Variants in ABHD14A observed in about 807,000 individuals in gnomAD.
ABHD14A encodes the protein protein ABHD14A.
ABHD14A carries 19 observed loss-of-function variants against 27.0 expected under a neutral mutation model. That is an observed-to-expected ratio of 0.70 (90% CI 0.49 to 1.03). The LOEUF (loss-of-function observed/expected upper bound fraction) is 1.03, where lower values mean the gene tolerates loss of function less well. ABHD14A is among the 50% of genes least tolerant of loss of function. The pLI is 0.00. For synonymous variants in ABHD14A, 148 were observed against 158.8 expected (o/e 0.93, Z 0.51); for missense variants, 311 against 344.6 (o/e 0.90, Z 0.77).
intron 1 of ABHD14A, among the ~76,000 whole-genome samples, 177 bp from the exon 2 acceptor site, chr3:51,977,694 G>T (rs554036110): frequency 2.6e-5 from 4 of 152,354 alleles, no homozygotes; most frequent in South Asian, 4.1e-4. Context: ...CTGAGCGCTT[G>T]CCCTGGCATG....
Position 51,977,957 on chromosome 3 carries a change from G to T in ABHD14A, c.156G>T (p.Leu52=), listed in dbSNP as rs1228687230. ...TCATGCTCCTACTGTATGTGGGGCT[G>T]CCAGGCCCCCCTGAGCAGACTTCCT... The part of the protein sequence containing the change: ...LLLMLLLYVG[L]PGPPEQTSCL... The change falls in exon 2 of 5, where the codon CTG becomes CTT. Residue 52 remains leucine (L), a synonymous_variant. Coordinates refer to ENST00000273596, the MANE Select transcript of ABHD14A (RefSeq NM_015407.5). 1 of 1,614,026 alleles carries T rather than the reference G, an allele frequency of 6.2e-7. No homozygotes were observed. The highest frequency in any genetic ancestry group is 1.3e-5 in the African/African-American group (1 of 74,956).
At chr3:51,977,281 C>G (rs900998528) in intron 1 of ABHD14A, among the ~76,000 whole-genome samples, 2 of 152,168 alleles carry the variant, frequency 1.3e-5, no homozygotes, top group African/African-American at 2.4e-5. Flanking sequence ...AGTCTTTCTC[C>G]TTTGATAGCC....
chr3:51,977,942 A>C lies in ABHD14A; in HGVS notation c.141A>C (p.Leu47=). 2.5e-6 allele frequency: 4 copies of C among 1,613,860 alleles called. No homozygotes were observed. The highest frequency in any genetic ancestry group is 3.4e-6 in the Non-Finnish European group (4 of 1,179,956). ...LLGLSLLLML[L]LYVGLPGPPE... is the part of the protein sequence containing the mutation. ...GCCTGAGTCTGCTGCTCATGCTCCT[A>C]CTGTATGTGGGGCTGCCAGGCCCCC... Residue 47 remains leucine (L), a synonymous_variant, in exon 2 of 5, where the codon CTA becomes CTC. Coordinates refer to ENST00000273596, the MANE Select transcript of ABHD14A (RefSeq NM_015407.5).
intron 1 of ABHD14A, among the ~76,000 whole-genome samples, chr3:51,975,810 A>G (rs930633464): frequency 2.6e-5 from 4 of 152,156 alleles, no homozygotes; most frequent in South Asian, 2.1e-4. Context: ...TGTGTGTGCA[A>G]AGAGGCTGCA....
Position 51,981,123 on chromosome 3 carries a change from G to GCT in ABHD14A, c.*105_*106insCT. 1 of 1,276,896 alleles carries GCT rather than the reference G, an allele frequency of 7.8e-7. No individual in the cohort carries two copies. Among genetic ancestry groups the GCT allele is most frequent in the African/African-American group, 2.0e-5 (1 of 50,752 alleles). 79.1% of individuals were successfully genotyped at this position (1,276,896 alleles called of 1,614,324 possible). A position where few individuals can be genotyped will look rare whatever the true frequency, so the allele number is the denominator to read the frequency against. Reference sequence around the variant, plus strand: ...CTCTGGGATTGGAGGCCAGAGGCCAGGGTCAGACCCAGCCAGGACTCCTCA... The same window carrying GCT: ...CTCTGGGATTGGAGGCCAGAGGCCAGCTGGTCAGACCCAGCCAGGACTCCTCA... On this transcript the variant is annotated 3_prime_UTR_variant, in exon 5 of 5. Coordinates refer to ENST00000273596, the MANE Select transcript of ABHD14A (RefSeq NM_015407.5).
chr3:51,980,816 C>T lies in ABHD14A; in HGVS notation c.634-20C>T. ...AACTCATCAGGCCCCAAGATCACAG[C>T]CCCCTGCCTTGCCCTGCAGACTCCA... is the stretch of plus-strand genomic sequence containing the variant. On this transcript the variant is annotated intron_variant, in intron 4 of 4. Transcript: ENST00000273596. 1.9e-6 allele frequency: 3 copies of T among 1,600,718 alleles called. No homozygotes were observed. Among genetic ancestry groups the T allele is most frequent in the Non-Finnish European group, 2.6e-6 (3 of 1,169,426 alleles).
At position 51,975,193 on chromosome 3, in the gene ABHD14A, C is replaced by T; in HGVS notation, c.58C>T (p.Pro20Ser). 2 of 1,271,004 alleles carry T rather than the reference C, an allele frequency of 1.6e-6. No individual in the cohort carries two copies. Among genetic ancestry groups the T allele is most frequent in the Non-Finnish European group, 2.0e-6 (2 of 1,007,824 alleles). 78.7% of individuals were successfully genotyped at this position (1,271,004 alleles called of 1,614,324 possible). Residue 20 changes from proline (P) to serine (S), a missense_variant, in exon 1 of 5, where the codon CCG becomes TCG. Physicochemically the swap from Pro to Ser is moderately conservative, Grantham distance 74. Coordinates refer to ENST00000273596, the MANE Select transcript of ABHD14A (RefSeq NM_015407.5). ...FRLGGARPLI[P>S]LGPTVVQTSM... The stretch of plus-strand genomic sequence containing the variant: ...CCTGGGCGGGGCCCGCCCGCTCATC[C>T]CGTTGGGCCCGGTGAGTCTCCCGGG...
intron 1 of ABHD14A, 30 bp downstream of exon 1, chr3:51,975,234 GGT>G (rs1253632730): frequency 4.8e-6 from 6 of 1,250,832 alleles, no homozygotes; most frequent in Non-Finnish European, 6.0e-6. Flanking sequence ...GAGGCCGGCC[GGT>G]GGCCCAGGGG....
Position 51,975,144 on chromosome 3 carries a change from G to T in ABHD14A, c.9G>T (p.Gly3=). Residue 3 remains glycine (G), a synonymous_variant, in exon 1 of 5, where the codon GGG becomes GGT. Transcript: ENST00000273596. MV[G]ALCGCWFRLG... ...GAGCTGCGGAGGCAGCCATGGTCGG[G>T]GCGCTGTGCGGCTGCTGGTTCCGCC... The T allele has an allele frequency of 7.8e-7, 1 of 1,290,294 alleles. No individual in the cohort carries two copies. The highest frequency in any genetic ancestry group is 2.3e-5 in the South Asian group (1 of 42,744). The allele number at this position is 1,290,294 out of a possible 1,614,324, so 79.9% of individuals were successfully genotyped here.
chr3:51,980,256 C>A (rs1358606316), intron 3 of ABHD14A, 137 bp from the exon 4 acceptor site: 2 of 785,728 alleles, frequency 2.5e-6, no homozygotes, highest in East Asian at 2.6e-5. Flanking sequence ...ATTACATTAC[C>A]AGAAAATAGC....
intron 3 of ABHD14A, chr3:51,979,022 A>C (rs1177789650): frequency 4.5e-6 from 1 of 224,158 alleles, no homozygotes; most frequent in South Asian, 4.1e-5. Context: ...AATACTAAAA[A>C]ATAGCAAAGC....
intron 4 of ABHD14A, 47 bp downstream of exon 4, chr3:51,980,675 TGGGG>T (rs753007139): frequency 3.1e-6 from 5 of 1,590,618 alleles, no homozygotes; most frequent in Non-Finnish European, 4.3e-6. Context: ...GTCTGTGGCT[TGGGG>T]GGGTTCAGGA....
exon 5 of ABHD14A, chr3:51,981,195 A>AAGTGAG: frequency 1.5e-6 from 1 of 684,342 alleles, no homozygotes; most frequent in East Asian, 2.8e-5. Context: ...CCTGCCTGGG[A>AAGTGAG]AGTGACAGGT....
chr3:51,978,171 C>G, intron 2 of ABHD14A, 88 bp from the exon 3 acceptor site: 1 of 1,533,018 alleles, frequency 6.5e-7, no homozygotes, highest in African/African-American at 1.4e-5. Context: ...GTGCTCAGGT[C>G]CTGGGAGGGC....
At chr3:51,978,902 C>T in intron 3 of ABHD14A, 1 of 317,732 alleles carries the variant, frequency 3.1e-6, no homozygotes, top group Non-Finnish European at 6.8e-6. Context: ...AAGCAGTGTA[C>T]TTTCTATGGC....
At chr3:51,975,968 C>G (rs1002195796) in intron 1 of ABHD14A, among the ~76,000 whole-genome samples, 9 of 152,274 alleles carry the variant, frequency 5.9e-5, no homozygotes, top group African/African-American at 2.2e-4. Context: ...CAAACCCCCG[C>G]AGGCGGCCAG....
In ABHD14A at chr3:51,981,177, A is replaced by G. The variant is rs1274837157; in HGVS notation, c.*159A>G. 1.4e-5 allele frequency: 11 copies of G among 759,378 alleles called. No homozygotes were observed. The highest frequency in any genetic ancestry group is 2.8e-4 in the Middle Eastern group (1 of 3,610). 47.0% of individuals were successfully genotyped at this position (759,378 alleles called of 1,614,324 possible). On this transcript the variant is annotated 3_prime_UTR_variant, in exon 5 of 5. Transcript: ENST00000273596. ...CATCTCACAGACACAATAAAAAAGC[A>G]TATTTGTCCTGCCTGGGAAGTGACA... is the stretch of plus-strand genomic sequence containing the variant.
Position 51,980,881 on chromosome 3 carries a change from C to G in ABHD14A, c.679C>G (p.Arg227Gly), listed in dbSNP as rs61729088. 4,756 of 1,614,116 alleles carry G rather than the reference C, an allele frequency of 2.9e-3. 9 individuals carry two copies. The highest frequency in any genetic ancestry group is 4.5e-3 in the Admixed American group (270 of 60,030). ...TGGAGAGCTGGACCACATCCTGGCT[C>G]GAGAGTCACTGCGGCAGCTCCGCCA... ...LYGELDHILA[R>G]ESLRQLRHLP... Residue 227 changes from arginine to glycine, a missense_variant, in exon 5 of 5, where the codon CGA becomes GGA. Coordinates refer to ENST00000273596, the MANE Select transcript of ABHD14A (RefSeq NM_015407.5).
chr3:51,980,863 C>T lies in ABHD14A; in HGVS notation c.661C>T (p.Leu221=). The change falls in exon 5 of 5, where the codon CTG becomes TTG. Residue 221 remains leucine (L), a synonymous_variant. Coordinates refer to ENST00000273596, the MANE Select transcript of ABHD14A (RefSeq NM_015407.5). The stretch of plus-strand genomic sequence containing the variant: ...TCCAACCCTTATCCTGTATGGAGAG[C>T]TGGACCACATCCTGGCTCGAGAGTC... The part of the protein sequence containing the change: ...KTPTLILYGE[L]DHILARESLR... 1.2e-6 allele frequency: 2 copies of T among 1,614,104 alleles called. No homozygotes were observed. Among genetic ancestry groups the T allele is most frequent in the South Asian group, 2.2e-5 (2 of 91,080 alleles).
Sources: gnomAD v4.1 joint callset for allele counts (sites outside exome capture counted in the v4.1 genomes callset) on GRCh38, gnomAD v4.1.1 for gene constraint, MANE v1.5 for transcripts, NCBI Gene and HGNC (gene_info 2026-07-23, HGNC 2026-07-21) for gene names.